PHACTR3: variants seen among roughly 807,000 people sequenced by gnomAD.
PHACTR3 encodes phosphatase and actin regulator 3, also known as protein phosphatase 1, regulatory subunit 123.
Under a neutral mutation model 66.8 loss-of-function variants are expected in PHACTR3, and 16 were observed. The ratio of observed to expected loss-of-function variants is 0.24; its 90% CI spans 0.16 to 0.36. The LOEUF is 0.36. Ranked by LOEUF, PHACTR3 falls within the 10% of genes least tolerant of loss-of-function variation. PHACTR3 has a pLI of 1.00. For synonymous variants in PHACTR3, 323 were observed against 292.1 expected (o/e 1.11, Z -1.08); for missense variants, 647 against 719.9 (o/e 0.90, Z 1.16).
At chr20:59,810,716 C>T (rs1380769946) in intron 8 of PHACTR3, among the ~76,000 whole-genome samples, 2 of 152,202 alleles carry the variant, frequency 1.3e-5, no homozygotes, top group Non-Finnish European at 2.9e-5. Flanking sequence ...TACCCCAGAA[C>T]ACATCCGTGT....
Position 59,578,337 on chromosome 20 carries a change from C to T in PHACTR3, c.109+720C>T, listed in dbSNP as rs550342644. Reference sequence around the variant, plus strand: ...GGGTGCATGAGTACCAGGTGTCCAGCAGGCAGAGCCCGGAGTGGGGTGGAG... The same window carrying T: ...GGGTGCATGAGTACCAGGTGTCCAGTAGGCAGAGCCCGGAGTGGGGTGGAG... On this transcript the variant is annotated intron_variant, in intron 1 of 12. Transcript: ENST00000359926. 3.9e-5 allele frequency among the ~76,000 whole-genome samples: 6 copies of T among 152,350 alleles called. No homozygotes were observed. In the East Asian group the frequency reaches 1.2e-3, roughly 29 times the overall value.
At chr20:59,781,609 G>A (rs926375905) in intron 7 of PHACTR3, among the ~76,000 whole-genome samples, 1 of 151,964 alleles carries the variant, frequency 6.6e-6, no homozygotes. Flanking sequence ...GTGTCCCAGC[G>A]GCAAAAGAAA....
In PHACTR3 at chr20:59,577,618, G is replaced by A; in HGVS notation, c.109+1G>A. ...GCCGCCGCCCGAGATCCTGCGCAAG[G>A]TAAGCGCGCGCTGCGGGGAGGGGAC... On this transcript the variant is annotated splice_donor_variant, in intron 1 of 12. Transcript: ENST00000359926. LOFTEE classifies it high-confidence loss of function. The A allele has an allele frequency of 8.3e-7, 1 of 1,209,550 alleles. No individual in the cohort carries two copies. Among genetic ancestry groups the A allele is most frequent in the Non-Finnish European group, 1.0e-6 (1 of 973,466 alleles). 74.9% of individuals were successfully genotyped at this position (1,209,550 alleles called of 1,614,324 possible). A position where few individuals can be genotyped will look rare whatever the true frequency, so the allele number is the denominator to read the frequency against.
At chr20:59,766,607 C>A (rs777351767) in intron 4 of PHACTR3, among the ~76,000 whole-genome samples, 1 of 152,098 alleles carries the variant, frequency 6.6e-6, no homozygotes, top group Non-Finnish European at 1.5e-5. Context: ...TGGCCTGACC[C>A]TTCCTCCAAG....
chr20:59,840,331 C>G, intron 9 of PHACTR3, 38 bp from the exon 10 acceptor site: 1 of 1,597,034 alleles, frequency 6.3e-7, no homozygotes, highest in South Asian at 1.2e-5. Context: ...ACCTGTTTCT[C>G]TTTGTTATTT....
chr20:59,590,790 C>T (rs753977858), intron 1 of PHACTR3, among the ~76,000 whole-genome samples: 9 of 152,112 alleles, frequency 5.9e-5, no homozygotes, highest in African/African-American at 1.4e-4. Context: ...TGGTGAGTGC[C>T]GGTTCCTCAG....
At chr20:59,668,810 C>T (rs567179765) in intron 1 of PHACTR3, among the ~76,000 whole-genome samples, 1 of 152,252 alleles carries the variant, frequency 6.6e-6, no homozygotes, top group South Asian at 2.1e-4. Flanking sequence ...AAGAGGTTCT[C>T]CTGCCTCAGC....
At chr20:59,821,970 TTTCTGCAGCGATCCCACCCC>T (rs1568855920) in intron 8 of PHACTR3, among the ~76,000 whole-genome samples, 3 of 62,050 alleles carry the variant, frequency 4.8e-5, no homozygotes, top group African/African-American at 2.8e-4. Context: ...AATCCTACCC[TTTCTGCAGCGATCCCACCCC>T]TTCCCCAGCA....
intron 1 of PHACTR3, among the ~76,000 whole-genome samples, chr20:59,610,246 C>T (rs945641332): frequency 1.8e-4 from 27 of 152,280 alleles, no homozygotes; most frequent in African/African-American, 6.3e-4. Flanking sequence ...CAGAGGTAGA[C>T]CCTGTCTCCA....
At chr20:59,720,383 C>T (rs935628365) in intron 1 of PHACTR3, among the ~76,000 whole-genome samples, 1 of 152,196 alleles carries the variant, frequency 6.6e-6, no homozygotes, top group Non-Finnish European at 1.5e-5. Context: ...GCAGAGGCCA[C>T]GGGCTCTTCT....
chr20:59,835,544 C>T (rs1010342271), intron 8 of PHACTR3, among the ~76,000 whole-genome samples: 8 of 152,144 alleles, frequency 5.3e-5, no homozygotes, highest in Non-Finnish European at 1.2e-4. Flanking sequence ...AAATACTGGG[C>T]CCTGTTGTCT....
rs115803854 is a variant in PHACTR3 at position 59,639,371 on chromosome 20, C to G, written c.118+34239C>G. ...GATGAGCATTTCCCACCTGTCTGTT[C>G]TTTTCTCTTGGCCAAGAGGACCTCA... On this transcript the variant is annotated intron_variant, in intron 1 of 12. Coordinates refer to ENST00000371015, the MANE Select transcript of PHACTR3 (RefSeq NM_080672.5). 6.1e-3 allele frequency among the ~76,000 whole-genome samples: 922 copies of G among 150,086 alleles called. 12 individuals are homozygous for G. Among genetic ancestry groups the G allele is most frequent in the African/African-American group, 0.022 (867 of 39,496 alleles).
At chr20:59,622,262 C>G (rs907577840) in intron 1 of PHACTR3, among the ~76,000 whole-genome samples, 1 of 151,934 alleles carries the variant, frequency 6.6e-6, no homozygotes, top group Non-Finnish European at 1.5e-5. Context: ...TGCCTGGAAG[C>G]TGGCCTTTGG....
chr20:59,677,513 A>G (rs73303136), intron 1 of PHACTR3, among the ~76,000 whole-genome samples: 2,803 of 152,344 alleles, frequency 0.018, 69 homozygotes, highest in Middle Eastern at 0.068. Context: ...TTCACAGTTA[A>G]TATGGGTCAT....
At chr20:59,585,094 C>A (rs1053008715) in intron 1 of PHACTR3, among the ~76,000 whole-genome samples, 1 of 152,210 alleles carries the variant, frequency 6.6e-6, no homozygotes, top group Admixed American at 6.5e-5. Flanking sequence ...TCCACTCGGG[C>A]TTTTGCATAG....
intron 1 of PHACTR3, among the ~76,000 whole-genome samples, chr20:59,694,830 C>A (rs1206602117): frequency 6.6e-6 from 1 of 152,086 alleles, no homozygotes; most frequent in Non-Finnish European, 1.5e-5. Flanking sequence ...GGGGGAAATG[C>A]TGTGGGTCCA....
chr20:59,584,758 C>T (rs1236910068), intron 1 of PHACTR3, among the ~76,000 whole-genome samples: 3 of 152,230 alleles, frequency 2.0e-5, no homozygotes, highest in South Asian at 2.1e-4. Context: ...CCTGGCCTCC[C>T]GTGGAGTGTA....
intron 4 of PHACTR3, among the ~76,000 whole-genome samples, chr20:59,760,422 G>T (rs1425277794): frequency 2.0e-5 from 3 of 152,114 alleles, no homozygotes; most frequent in African/African-American, 7.2e-5. Flanking sequence ...CACGTGTGGT[G>T]GGAGGGACCT....
intron 8 of PHACTR3, chr20:59,836,253 A>G: frequency 4.3e-6 from 2 of 466,880 alleles, no homozygotes; most frequent in Non-Finnish European, 7.5e-6. Context: ...AAAAATGAAG[A>G]CCTGCACATG....
Sources: gnomAD v4.1 joint callset for allele counts (sites outside exome capture counted in the v4.1 genomes callset) on GRCh38, gnomAD v4.1.1 for gene constraint, MANE v1.5 for transcripts, NCBI Gene and HGNC (gene_info 2026-07-23, HGNC 2026-07-21) for gene names.